The following CCSER1 variants were observed in gnomAD, a reference collection of about 807,000 sequenced individuals.
CCSER1 encodes coiled-coil serine rich protein 1, also known as serine-rich coiled-coil domain-containing protein 1.
CCSER1 carries 41 observed loss-of-function variants against 82.0 expected under a neutral mutation model. The ratio of observed to expected loss-of-function variants is 0.50; its 90% confidence interval spans 0.39 to 0.65. The LOEUF (loss-of-function observed/expected upper bound fraction) is 0.65. Ranked by LOEUF, CCSER1 falls within the 30% of genes least tolerant of loss-of-function variation. CCSER1 has a pLI of 0.00. For synonymous variants in CCSER1, 414 were observed against 383.9 expected (o/e 1.08, Z -0.92); for missense variants, 1,119 against 1,064.2 (o/e 1.05, Z -0.72).
At chr4:90,780,977 C>A in intron 7 of CCSER1, 1 of 229,996 alleles carries the variant, frequency 4.3e-6, no homozygotes, top group Non-Finnish European at 7.2e-6. Flanking sequence ...AGGAAGCTTC[C>A]AATCGTGGCG....
chr4:91,553,157 T>C (rs1762241096), intron 10 of CCSER1, among the ~76,000 whole-genome samples: 1 of 151,708 alleles, frequency 6.6e-6, no homozygotes, highest in Admixed American at 6.6e-5. Context: ...GAGATGATTA[T>C]ATGATTTCTA....
chr4:91,044,215 T>C (rs974890364), intron 9 of CCSER1, among the ~76,000 whole-genome samples: 4 of 152,190 alleles, frequency 2.6e-5, no homozygotes, highest in African/African-American at 9.7e-5. Flanking sequence ...GGCAGAGACT[T>C]CTGGAAAGGA....
chr4:91,539,429 A>G (rs1578733730), intron 10 of CCSER1, among the ~76,000 whole-genome samples: 1 of 152,014 alleles, frequency 6.6e-6, no homozygotes, highest in South Asian at 2.1e-4. Flanking sequence ...GTTCTAGCTA[A>G]TGTTTTCTAA....
At chr4:91,499,434 C>G (rs1018964748) in intron 10 of CCSER1, among the ~76,000 whole-genome samples, 6 of 151,976 alleles carry the variant, frequency 3.9e-5, no homozygotes, top group African/African-American at 1.4e-4. Context: ...CATCCTGTAA[C>G]ACAGTGGTAC....
intron 10 of CCSER1, among the ~76,000 whole-genome samples, chr4:91,179,057 T>G (rs1324240048): frequency 6.6e-6 from 1 of 152,204 alleles, no homozygotes; most frequent in African/African-American, 2.4e-5. Flanking sequence ...CCTTCTTTTA[T>G]GAAGCTTAGT....
At chr4:90,439,645 A>G (rs9997438) in intron 4 of CCSER1, among the ~76,000 whole-genome samples, 1,578 of 152,252 alleles carry the variant, frequency 0.01, 20 homozygotes, top group African/African-American at 0.036. Context: ...AAAGTACAGG[A>G]CAAACTGGAG....
intron 7 of CCSER1, among the ~76,000 whole-genome samples, chr4:90,815,204 C>T (rs745986225): frequency 6.6e-6 from 1 of 151,946 alleles, no homozygotes. Context: ...ACTTTTAAAC[C>T]ATCAGATCTC....
At chr4:91,476,422 A>C (rs1219890320) in intron 10 of CCSER1, among the ~76,000 whole-genome samples, 2 of 151,578 alleles carry the variant, frequency 1.3e-5, no homozygotes, top group African/African-American at 4.8e-5. Context: ...CCTGTTGGCA[A>C]TTTGTGTGTC....
chr4:90,484,771 T>C (rs1322385445), intron 5 of CCSER1, among the ~76,000 whole-genome samples: 1 of 152,184 alleles, frequency 6.6e-6, no homozygotes, highest in African/African-American at 2.4e-5. Flanking sequence ...CTGTGTGATA[T>C]GTCAATCTGC....
intron 10 of CCSER1, among the ~76,000 whole-genome samples, chr4:91,490,433 A>G (rs2110067609): frequency 6.6e-6 from 1 of 152,262 alleles, no homozygotes; most frequent in Admixed American, 6.5e-5. Context: ...AGATCCTGTC[A>G]TTTGTAGCAA....
At chr4:91,378,679 A>C (rs1202002175) in intron 10 of CCSER1, among the ~76,000 whole-genome samples, 1 of 152,122 alleles carries the variant, frequency 6.6e-6, no homozygotes, top group Non-Finnish European at 1.5e-5. Context: ...CTAAATATAC[A>C]ATCTTGTCAT....
At chr4:90,229,983 G>A (rs892103701) in intron 1 of CCSER1, among the ~76,000 whole-genome samples, 7 of 152,080 alleles carry the variant, frequency 4.6e-5, no homozygotes, top group Middle Eastern at 3.2e-3. Context: ...AGTCCTGAGC[G>A]ACCTACAAAG....
intron 10 of CCSER1, among the ~76,000 whole-genome samples, chr4:91,565,733 G>A (rs1762858579): frequency 6.6e-6 from 1 of 151,974 alleles, no homozygotes; most frequent in African/African-American, 2.4e-5. Context: ...TGCTAGTGAG[G>A]CTGTACATTG....
At chr4:91,547,625 A>G (rs1054534124) in intron 10 of CCSER1, among the ~76,000 whole-genome samples, 1 of 152,196 alleles carries the variant, frequency 6.6e-6, no homozygotes, top group Admixed American at 6.6e-5. Context: ...TTTATGATCC[A>G]TTCTGACAAT....
chr4:91,370,787 A>G (rs900647290), intron 10 of CCSER1, among the ~76,000 whole-genome samples: 1 of 152,204 alleles, frequency 6.6e-6, no homozygotes, highest in Non-Finnish European at 1.5e-5. Context: ...GAGACATAGA[A>G]TGTGTAATAA....
intron 7 of CCSER1, among the ~76,000 whole-genome samples, chr4:90,765,716 GA>G (rs144123207): frequency 6.6e-6 from 1 of 151,934 alleles, no homozygotes; most frequent in Admixed American, 6.6e-5. Flanking sequence ...GAGCAGAAGA[GA>G]AAAAAATAAA....
At chr4:90,541,575 AC>A (rs1219775740) in intron 5 of CCSER1, among the ~76,000 whole-genome samples, 2 of 152,102 alleles carry the variant, frequency 1.3e-5, no homozygotes, top group African/African-American at 4.8e-5. Context: ...AGCAAACTAT[AC>A]CACTATACCA....
intron 10 of CCSER1, among the ~76,000 whole-genome samples, chr4:91,522,943 T>C (rs1290432185): frequency 1.3e-5 from 2 of 152,200 alleles, no homozygotes; most frequent in South Asian, 4.1e-4. Context: ...GGCATCCCTG[T>C]CTTGTGCCAG....
At chr4:90,953,182 TAAACA>T (rs1304966070) in intron 9 of CCSER1, among the ~76,000 whole-genome samples, 2 of 151,986 alleles carry the variant, frequency 1.3e-5, no homozygotes, top group Non-Finnish European at 2.9e-5. Flanking sequence ...TTATAGTTAC[TAAACA>T]AAACAAAAAG....
Sources: gnomAD v4.1 joint callset for allele counts (sites outside exome capture counted in the v4.1 genomes callset) on GRCh38, gnomAD v4.1.1 for gene constraint, MANE v1.5 for transcripts, NCBI Gene and HGNC (gene_info 2026-07-23, HGNC 2026-07-21) for gene names.